The following CTNNA2 variants were observed in gnomAD, a reference collection of about 807,000 sequenced individuals.
CTNNA2 encodes the protein catenin alpha 2.
In CTNNA2, 42 loss-of-function variants were observed where a neutral mutation model predicts 101.0. That is an observed-to-expected ratio of 0.42 (90% CI 0.32 to 0.54). The LOEUF (loss-of-function observed/expected upper bound fraction) is 0.54, where lower values mean the gene tolerates loss of function less well. CTNNA2 is among the 20% of genes least tolerant of loss of function. The probability of loss-of-function intolerance (pLI) is 0.14; values close to 1 mark genes in which losing one functional copy is unlikely to be tolerated. For synonymous variants in CTNNA2, 450 were observed against 456.4 expected (o/e 0.99, Z 0.18); for missense variants, 871 against 1,223.1 (o/e 0.71, Z 4.29).
chr2:79,887,163 G>A (rs2104174264), intron 6 of CTNNA2, among the ~76,000 whole-genome samples: 1 of 152,196 alleles, frequency 6.6e-6, no homozygotes, highest in East Asian at 1.9e-4. Flanking sequence ...GGCTGCCGGG[G>A]GGAGAATGAG....
intron 16 of CTNNA2, among the ~76,000 whole-genome samples, chr2:80,604,670 A>T (rs1394906964): frequency 6.6e-6 from 1 of 152,010 alleles, no homozygotes. Flanking sequence ...GCCCCCAGGA[A>T]ATTTAGGTTG....
chr2:79,559,873 A>G (rs1181718363), intron 1 of CTNNA2, among the ~76,000 whole-genome samples: 1 of 151,926 alleles, frequency 6.6e-6, no homozygotes, highest in Non-Finnish European at 1.5e-5. Context: ...GGCTAGTGAT[A>G]ATAAATTCAT....
chr2:79,221,343 G>A (rs531079160), intron 2 of CTNNA2, among the ~76,000 whole-genome samples: 2 of 152,138 alleles, frequency 1.3e-5, no homozygotes, highest in African/African-American at 4.8e-5. Flanking sequence ...TGCAGAGATG[G>A]AGCCTTGCTA....
At chr2:79,218,431 C>T (rs1198282855) in intron 2 of CTNNA2, among the ~76,000 whole-genome samples, 12 of 151,714 alleles carry the variant, frequency 7.9e-5, no homozygotes, top group African/African-American at 2.7e-4. Flanking sequence ...AGTCCTCCTG[C>T]CTCAGCCTCC....
intron 3 of CTNNA2, among the ~76,000 whole-genome samples, chr2:79,788,206 T>C (rs551830456): frequency 2.6e-5 from 4 of 152,264 alleles, no homozygotes; most frequent in African/African-American, 9.6e-5. Context: ...CTCAGTTCTA[T>C]ATTTTAGAAA....
At chr2:80,435,111 T>C (rs530088200) in intron 9 of CTNNA2, among the ~76,000 whole-genome samples, 93 of 152,340 alleles carry the variant, frequency 6.1e-4, no homozygotes, top group South Asian at 1.2e-3. Context: ...CCAGGAGCAC[T>C]TCCCTCTAAT....
intron 8 of CTNNA2, among the ~76,000 whole-genome samples, chr2:80,411,987 C>T (rs1278930853): frequency 1.3e-5 from 2 of 152,156 alleles, no homozygotes; most frequent in Non-Finnish European, 2.9e-5. Context: ...TTTGCATATA[C>T]TCTCCCTTCC....
intron 4 of CTNNA2, among the ~76,000 whole-genome samples, chr2:79,450,144 G>C (rs1233201861): frequency 6.6e-6 from 1 of 151,760 alleles, no homozygotes; most frequent in African/African-American, 2.4e-5. Flanking sequence ...ACTAAAGCTA[G>C]AAAGATCATG....
At chr2:80,429,192 A>G (rs950274920) in intron 9 of CTNNA2, among the ~76,000 whole-genome samples, 6 of 152,188 alleles carry the variant, frequency 3.9e-5, no homozygotes, top group African/African-American at 1.4e-4. Context: ...ACAATAAAGC[A>G]TTGCAGAAAA....
chr2:79,517,859 C>T (rs947006455), intron 1 of CTNNA2, among the ~76,000 whole-genome samples: 4 of 152,046 alleles, frequency 2.6e-5, no homozygotes, highest in South Asian at 2.1e-4. Context: ...GCCTTATCTG[C>T]GTACACAACT....
Position 80,631,826 on chromosome 2 carries a change from C to T in CTNNA2, c.2574+12598C>T, listed in dbSNP as rs141887981. On this transcript the variant is annotated intron_variant, in intron 18 of 18. Transcript: ENST00000402739. ...CTATTAGCTAGCAAGTTCTTCCTCC[C>T]TAAGCCTCAGTTTCCTATCTGTAGA... Among the ~76,000 whole-genome samples the T allele has an allele frequency of 1.1e-3, 172 of 152,248 alleles. 1 individual carries two copies. Among genetic ancestry groups the T allele is most frequent in the Middle Eastern group, 3.4e-3 (1 of 294 alleles).
chr2:79,574,900 A>G (rs1412092015), intron 1 of CTNNA2, among the ~76,000 whole-genome samples: 1 of 152,128 alleles, frequency 6.6e-6, no homozygotes, highest in African/African-American at 2.4e-5. Flanking sequence ...TTGTAATAAT[A>G]GCCATTCTGA....
intron 4 of CTNNA2, among the ~76,000 whole-genome samples, chr2:79,489,650 G>A (rs1671190743): frequency 6.6e-6 from 1 of 152,150 alleles, no homozygotes; most frequent in African/African-American, 2.4e-5. Context: ...CCCCAAGGAG[G>A]CAGACCCTGG....
intron 7 of CTNNA2, among the ~76,000 whole-genome samples, chr2:80,305,582 C>T (rs1013404503): frequency 6.6e-6 from 1 of 152,118 alleles, no homozygotes; most frequent in African/African-American, 2.4e-5. Flanking sequence ...CCTAATTAAT[C>T]TTTGAGACTG....
At chr2:80,034,276 A>T (rs1319174072) in intron 7 of CTNNA2, among the ~76,000 whole-genome samples, 6 of 152,016 alleles carry the variant, frequency 3.9e-5, no homozygotes. Flanking sequence ...CTGAAAAAGA[A>T]TATAAACAAA....
chr2:80,117,761 GCA>G (rs1701606983), intron 7 of CTNNA2, among the ~76,000 whole-genome samples: 1 of 152,112 alleles, frequency 6.6e-6, no homozygotes, highest in Non-Finnish European at 1.5e-5. Flanking sequence ...TCCAGTGAGT[GCA>G]CTTCACTCTA....
At chr2:79,540,921 A>G (rs994062735) in intron 1 of CTNNA2, among the ~76,000 whole-genome samples, 2 of 152,144 alleles carry the variant, frequency 1.3e-5, no homozygotes, top group African/African-American at 2.4e-5. Flanking sequence ...AGAGTTGGAA[A>G]TGGGTAGCTT....
intron 7 of CTNNA2, among the ~76,000 whole-genome samples, chr2:79,916,289 G>A (rs1265387861): frequency 3.9e-5 from 6 of 152,144 alleles, no homozygotes; most frequent in Non-Finnish European, 8.8e-5. Context: ...TGCCTAATGA[G>A]ATTGGTAGCT....
At chr2:79,804,164 AT>A (rs1676381595) in intron 3 of CTNNA2, among the ~76,000 whole-genome samples, 1 of 152,122 alleles carries the variant, frequency 6.6e-6, no homozygotes, top group Non-Finnish European at 1.5e-5. Flanking sequence ...AAACACACCT[AT>A]TTTTTTCAAT....
Sources: gnomAD v4.1 joint callset for allele counts (sites outside exome capture counted in the v4.1 genomes callset) on GRCh38, gnomAD v4.1.1 for gene constraint, MANE v1.5 for transcripts, NCBI Gene and HGNC (gene_info 2026-07-23, HGNC 2026-07-21) for gene names.